TCERG1: variants seen among roughly 807,000 people sequenced by gnomAD.
TCERG1 encodes TATA box binding protein (TBP)-associated factor, RNA polymerase II, S, 150kD.
A neutral mutation model predicts 144.7 loss-of-function variants in TCERG1; 37 were observed. That is an observed-to-expected ratio of 0.26 (90% confidence interval 0.20 to 0.34). TCERG1 has a LOEUF of 0.34. Ranked by LOEUF, TCERG1 falls within the 10% of genes least tolerant of loss-of-function variation. TCERG1 has a pLI of 1.00. For synonymous variants in TCERG1, 492 were observed against 458.2 expected, an observed-to-expected ratio of 1.07 and a Z score of -0.94; for missense variants, 1,027 against 1,380.7, an observed-to-expected ratio of 0.74 and a Z score of 4.06.
intron 5 of TCERG1, 48 bp downstream of exon 5, chr5:146,463,841 T>C: frequency 6.2e-7 from 1 of 1,609,836 alleles, no homozygotes; most frequent in Non-Finnish European, 8.5e-7. Context: ...TTTCATATTG[T>C]CAGTTAGTTT....
chr5:146,496,428 T>C (rs1480462458), intron 16 of TCERG1, among the ~76,000 whole-genome samples: 1 of 152,180 alleles, frequency 6.6e-6, no homozygotes, highest in African/African-American at 2.4e-5. Flanking sequence ...CCTACCTCAG[T>C]CTTTTTTCTA....
intron 9 of TCERG1, 98 bp from the exon 10 acceptor site, chr5:146,478,395 A>T: frequency 7.9e-7 from 1 of 1,261,054 alleles, no homozygotes; most frequent in Non-Finnish European, 1.1e-6. Flanking sequence ...GTCGTTCTTC[A>T]GTACCCTCAT....
intron 16 of TCERG1, among the ~76,000 whole-genome samples, chr5:146,497,964 C>T (rs1036110698): frequency 6.6e-6 from 1 of 152,154 alleles, no homozygotes; most frequent in Non-Finnish European, 1.5e-5. Flanking sequence ...GGTACCCTCT[C>T]TTTGTAGATT....
intron 14 of TCERG1, 128 bp from the exon 15 acceptor site, chr5:146,483,412 T>G (rs1044227494): frequency 2.2e-5 from 16 of 716,794 alleles, no homozygotes; most frequent in Non-Finnish European, 3.3e-5. Flanking sequence ...CATTTATTAG[T>G]GATGGAAACT....
At position 146,503,933 on chromosome 5, in the gene TCERG1, A is replaced by T. The variant is rs1406683257; in HGVS notation, c.2708A>T (p.Glu903Val). ...VQKARSEQTKEIDREREQHKR... is the reference protein window; with the variant it reads ...VQKARSEQTKVIDREREQHKR... ...AAGGCCCGTTCAGAACAAACAAAAG[A>T]AATAGATCGAGAGAGAGAGCAGCAC... The change falls in exon 19 of 23, where the codon GAA becomes GTA. Residue 903 changes from glutamate (E) to valine (V), a missense_variant. Coordinates refer to ENST00000679501, the MANE Select transcript of TCERG1 (RefSeq NM_001382548.1). 6.2e-7 allele frequency: 1 copy of T among 1,612,894 alleles called. No homozygotes were observed.
intron 19 of TCERG1, chr5:146,505,624 A>G (rs1176895363): frequency 6.6e-6 from 1 of 151,384 alleles, no homozygotes; most frequent in African/African-American, 2.4e-5. Context: ...CTTCAGGGGT[A>G]CGCTCAAGTA....
intron 19 of TCERG1, among the ~76,000 whole-genome samples, chr5:146,504,873 C>T (rs1180286568): frequency 6.6e-6 from 1 of 151,972 alleles, no homozygotes; most frequent in African/African-American, 2.4e-5. Context: ...ATGGCGAAAC[C>T]CCGTCTCTAA....
Position 146,459,310 on chromosome 5 carries a change from G to C in TCERG1, c.865G>C (p.Ala289Pro), listed in dbSNP as rs1326311370. Residue 289 changes from alanine (A) to proline (P), a missense_variant, in exon 4 of 23, where the codon GCT becomes CCT. Physicochemically the swap from Ala to Pro is conservative, Grantham distance 27. Transcript: ENST00000679501. ...PSSTTSTTTT[A>P]TSVAQTVSTP... is the part of the protein sequence containing the mutation. ...CTCTACCACTTCTACCACAACAACT[G>C]CTACTTCAGTTGCGCAGACAGTATC... 1 of 1,614,176 alleles carries C rather than the reference G, an allele frequency of 6.2e-7. No homozygotes were observed. The highest frequency in any genetic ancestry group is 8.5e-7 in the Non-Finnish European group (1 of 1,180,004).
At chr5:146,503,773 C>A (rs752806091) in intron 18 of TCERG1, 51 bp from the exon 19 acceptor site, 4 of 1,525,790 alleles carry the variant, frequency 2.6e-6, no homozygotes, top group Non-Finnish European at 1.8e-6. Context: ...TCTGTAAAAA[C>A]ATATTTTGAT....
chr5:146,460,389 G>T (rs566689495), intron 4 of TCERG1, among the ~76,000 whole-genome samples: 3 of 144,264 alleles, frequency 2.1e-5, no homozygotes, highest in African/African-American at 5.1e-5. Flanking sequence ...TCCTTACTCT[G>T]CAGGTTGAGA....
At position 146,503,996 on chromosome 5, in the gene TCERG1, TGTCTGACATG is replaced by T; in HGVS notation, c.2774_2781+2del. On this transcript the variant is annotated frameshift_variant and splice_region_variant, in exon 19 of 23. Coordinates refer to ENST00000679501, the MANE Select transcript of TCERG1 (RefSeq NM_001382548.1). LOFTEE classifies it high-confidence loss of function. ...GCTATCCAGAATTTCAAAGCTCTTC[TGTCTGACATG>T]GTATACGTTAATCTTTTACTTTTTT... 1 of 1,578,652 alleles carries T rather than the reference TGTCTGACATG, an allele frequency of 6.3e-7. No individual in the cohort carries two copies. Among genetic ancestry groups the T allele is most frequent in the Admixed American group, 1.9e-5 (1 of 52,926 alleles).
At position 146,507,669 on chromosome 5, in the gene TCERG1, A is replaced by G. The variant is rs544756680; in HGVS notation, c.2962-204A>G. On this transcript the variant is annotated intron_variant, in intron 20 of 22. Transcript: ENST00000679501. The surrounding 1 kb of genome is among the most constrained non-coding windows in gnomAD (Gnocchi z 4.6). The stretch of plus-strand genomic sequence containing the variant: ...GATTGTCTTAGGCCACCTTGAAAGT[A>G]TGGCCATGAAAATAACTCTTGTGGC... The G allele has an allele frequency of 1.4e-5, 6 of 441,784 alleles. No homozygotes were observed. Among genetic ancestry groups the G allele is most frequent in the Admixed American group, 8.3e-5 (2 of 23,960 alleles). The allele number at this position is 441,784 out of a possible 1,614,324, so 27.4% of individuals were successfully genotyped here.
intron 1 of TCERG1, among the ~76,000 whole-genome samples, chr5:146,447,893 C>T (rs897557315): frequency 1.3e-5 from 2 of 152,258 alleles, no homozygotes; most frequent in African/African-American, 4.8e-5. Flanking sequence ...CACGTTTGCC[C>T]TTTCATTTCA....
chr5:146,451,069 A>G (rs1300671321), intron 1 of TCERG1, among the ~76,000 whole-genome samples: 1 of 152,218 alleles, frequency 6.6e-6, no homozygotes, highest in African/African-American at 2.4e-5. Context: ...TCAAGCTGTA[A>G]CCAGGAAGTA....
chr5:146,505,927 C>T (rs1301563163), intron 19 of TCERG1, among the ~76,000 whole-genome samples: 1 of 152,110 alleles, frequency 6.6e-6, no homozygotes, highest in African/African-American at 2.4e-5. Context: ...CAGGCATGCG[C>T]CACCACACAC....
At chr5:146,485,492 C>T (rs1414829193) in intron 15 of TCERG1, among the ~76,000 whole-genome samples, 1 of 152,136 alleles carries the variant, frequency 6.6e-6, no homozygotes, top group East Asian at 1.9e-4. Flanking sequence ...CGTATTCCTC[C>T]TGGTACTGAG....
intron 9 of TCERG1, among the ~76,000 whole-genome samples, chr5:146,477,735 T>C (rs941999025): frequency 6.7e-6 from 1 of 149,264 alleles, no homozygotes; most frequent in Admixed American, 6.7e-5. Context: ...TCTCACTTTA[T>C]TGCTCAGGCT....
rs1768452671 is a variant in TCERG1 at position 146,511,526 on chromosome 5, T to C, written c.*884T>C. On this transcript the variant is annotated 3_prime_UTR_variant, in exon 23 of 23. Transcript: ENST00000679501. ...TTTATATATCTGTATTGTATATGAT[T>C]ATTGTTACTTAATTTTTAAGAGCTT... The C allele has an allele frequency of 6.6e-6, 1 of 150,920 alleles. No homozygotes were observed. 9.3% of individuals were successfully genotyped at this position (150,920 alleles called of 1,614,324 possible).
intron 16 of TCERG1, among the ~76,000 whole-genome samples, chr5:146,497,758 T>C (rs1417694216): frequency 1.3e-5 from 2 of 152,302 alleles, no homozygotes; most frequent in African/African-American, 4.8e-5. Context: ...GCCTTCCAGC[T>C]CTGTTTTCCT....
Sources: gnomAD v4.1 joint callset for allele counts (sites outside exome capture counted in the v4.1 genomes callset) on GRCh38, gnomAD v4.1.1 for gene constraint, Gnocchi (gnomAD v3.1) non-coding constraint, MANE v1.5 for transcripts, NCBI Gene and HGNC (gene_info 2026-07-23, HGNC 2026-07-21) for gene names.